Variants in RANBP2 observed in about 807,000 individuals in gnomAD.
The protein encoded by RANBP2 is E3 SUMO-protein ligase RanBP2.
A neutral mutation model predicts 303.6 loss-of-function variants in RANBP2; 57 were observed. That is an observed-to-expected ratio of 0.19 (90% CI 0.15 to 0.23). The LOEUF (loss-of-function observed/expected upper bound fraction) is 0.23. Among genes scored for constraint, RANBP2 ranks in the 10% least tolerant of loss-of-function variants. RANBP2 has a pLI of 1.00. For synonymous variants in RANBP2, 1,167 were observed against 1,301.5 expected (o/e 0.90, Z 2.23); for missense variants, 3,138 against 3,780.8 (o/e 0.83, Z 4.46).
At chr2:108,878,878 A>C in the RANBP2 span, among the ~76,000 whole-genome samples, 2 of 152,246 alleles carry the variant, frequency 1.3e-5, no homozygotes, top group African/African-American at 4.8e-5. Context: ...CCTTTTGGAA[A>C]ATATCAAGGA....
At chr2:109,354,463 G>A in the RANBP2 span, among the ~76,000 whole-genome samples, 1 of 152,252 alleles carries the variant, frequency 6.6e-6, no homozygotes, top group Admixed American at 6.5e-5. Flanking sequence ...GGCAGGGACT[G>A]CTTCTGGCAT....
chr2:109,489,119 A>G, the RANBP2 span, among the ~76,000 whole-genome samples: 172 of 152,358 alleles, frequency 1.1e-3, 2 homozygotes, highest in Middle Eastern at 0.01. Flanking sequence ...TGGGATCCAC[A>G]CTTGCCCAGG....
the RANBP2 span, among the ~76,000 whole-genome samples, chr2:108,843,271 C>T: frequency 7.9e-5 from 12 of 152,302 alleles, no homozygotes; most frequent in East Asian, 2.3e-3. Context: ...CATGCTCCTG[C>T]CTCACCCTCC....
the RANBP2 span, chr2:109,614,038 G>A: frequency 1.7e-5 from 20 of 1,209,692 alleles, no homozygotes; most frequent in East Asian, 3.4e-5. Flanking sequence ...CGCGCTGAGC[G>A]TTTTGCCTGC....
the RANBP2 span, among the ~76,000 whole-genome samples, chr2:109,316,709 C>T: frequency 0.31 from 47,477 of 152,084 alleles, 9,195 homozygotes; most frequent in African/African-American, 0.55. Flanking sequence ...GGACATTCCA[C>T]GGGTTTGGAC....
At chr2:109,090,739 C>T in the RANBP2 span, among the ~76,000 whole-genome samples, 1 of 151,912 alleles carries the variant, frequency 6.6e-6, no homozygotes, top group Non-Finnish European at 1.5e-5. Flanking sequence ...TTCTTCAGGG[C>T]CCTAATACTT....
the RANBP2 span, among the ~76,000 whole-genome samples, chr2:108,913,108 C>G: frequency 5.3e-5 from 8 of 152,166 alleles, no homozygotes; most frequent in East Asian, 1.4e-3. Flanking sequence ...ACCACCACAC[C>G]TGGCTAATTT....
the RANBP2 span, among the ~76,000 whole-genome samples, chr2:109,102,915 G>A: frequency 6.6e-6 from 1 of 152,194 alleles, no homozygotes; most frequent in Non-Finnish European, 1.5e-5. Flanking sequence ...GGGAAGTGGG[G>A]TGCTGCAAAT....
the RANBP2 span, among the ~76,000 whole-genome samples, chr2:108,865,555 A>G: frequency 6.6e-6 from 1 of 152,200 alleles, no homozygotes; most frequent in Non-Finnish European, 1.5e-5. Context: ...GAAGACCCTC[A>G]CCAATCAGCC....
the RANBP2 span, chr2:108,910,818 C>T: frequency 3.7e-6 from 6 of 1,613,918 alleles, no homozygotes; most frequent in East Asian, 1.1e-4. Flanking sequence ...ACTTGGGCCT[C>T]CACGCTCTTC....
At chr2:109,282,225 T>C in the RANBP2 span, among the ~76,000 whole-genome samples, 1 of 152,170 alleles carries the variant, frequency 6.6e-6, no homozygotes, top group Non-Finnish European at 1.5e-5. Context: ...ACCTGCATCT[T>C]TCCTTTACAC....
chr2:109,553,845 CTCTG>C, the RANBP2 span, among the ~76,000 whole-genome samples: 2 of 150,044 alleles, frequency 1.3e-5, no homozygotes, highest in Non-Finnish European at 3.0e-5. Context: ...CACAGCAAGA[CTCTG>C]TCTCAAAAAA....
chr2:109,278,130 T>C, the RANBP2 span, among the ~76,000 whole-genome samples: 1 of 151,786 alleles, frequency 6.6e-6, no homozygotes, highest in African/African-American at 2.4e-5. Context: ...TGAGCCATGA[T>C]TGTGCCACTG....
At chr2:109,733,001 G>A in the RANBP2 span, 1 of 583,986 alleles carries the variant, frequency 1.7e-6, no homozygotes, top group Non-Finnish European at 3.4e-6. Context: ...TCGTCCTTGA[G>A]ATGATTATTG....
At chr2:109,576,545 A>G in the RANBP2 span, among the ~76,000 whole-genome samples, 1 of 152,218 alleles carries the variant, frequency 6.6e-6, no homozygotes, top group Non-Finnish European at 1.5e-5. Flanking sequence ...ATGTGACCCA[A>G]TAGGATTTAC....
the RANBP2 span, among the ~76,000 whole-genome samples, chr2:109,629,330 TATATATATATATATATA>T: frequency 1.0e-4 from 2 of 19,670 alleles, no homozygotes; most frequent in African/African-American, 2.2e-4. Flanking sequence ...TATATATATA[TATATATATATATATATA>T]TATATATATT....
At chr2:109,129,775 C>T in the RANBP2 span, 2 of 1,539,340 alleles carry the variant, frequency 1.3e-6, no homozygotes, top group Admixed American at 4.0e-5. Context: ...CACTTTCTGC[C>T]GCCGCTGCCT....
At chr2:109,386,095 G>A in the RANBP2 span, among the ~76,000 whole-genome samples, 1 of 152,308 alleles carries the variant, frequency 6.6e-6, no homozygotes, top group Admixed American at 6.5e-5. Flanking sequence ...AATGTAGATT[G>A]GATCTGGAAG....
the RANBP2 span, among the ~76,000 whole-genome samples, chr2:108,946,094 G>A: frequency 6.6e-6 from 1 of 152,178 alleles, no homozygotes; most frequent in Non-Finnish European, 1.5e-5. Context: ...AGTTTCTGGT[G>A]ACTCCAAGGA....
Sources: gnomAD v4.1 joint callset for allele counts (sites outside exome capture counted in the v4.1 genomes callset) on GRCh38, gnomAD v4.1.1 for gene constraint, MANE v1.5 for transcripts, NCBI Gene and HGNC (gene_info 2026-07-23, HGNC 2026-07-21) for gene names.